STARD8: variants seen among roughly 807,000 people sequenced by gnomAD.
STARD8 encodes the protein stAR-related lipid transfer protein 8.
Under a neutral mutation model 69.4 loss-of-function variants are expected in STARD8, and 25 were observed. The observed-to-expected ratio is 0.36, with a 90% CI of 0.26 to 0.50. STARD8 has a LOEUF of 0.50. Ranked by LOEUF, STARD8 falls within the 20% of genes least tolerant of loss-of-function variation. The pLI, the probability that STARD8 is intolerant of heterozygous loss-of-function variation, is 0.96. For synonymous variants in STARD8, 389 were observed against 374.6 expected (o/e 1.04, Z -0.45); for missense variants, 921 against 932.5 (o/e 0.99, Z 0.16).
chrX:68,721,771 G>C, intron 10 of STARD8, 25 bp downstream of exon 10: 1 of 1,185,838 alleles, frequency 8.4e-7, no homozygotes, highest in Non-Finnish European at 1.1e-6. Flanking sequence ...GGCATGTCAG[G>C]GCCGGGCTGG....
intron 3 of STARD8, 29 bp downstream of exon 3, chrX:68,713,014 A>G (rs1426924952): frequency 3.8e-5 from 44 of 1,169,443 alleles, no homozygotes; most frequent in Non-Finnish European, 4.7e-5. Context: ...TTACCCTCCC[A>G]TACTTCCCCT....
intron 3 of STARD8, among the ~76,000 whole-genome samples, chrX:68,713,508 G>T (rs1244693671): frequency 9.0e-6 from 1 of 111,541 alleles, no homozygotes; most frequent in African/African-American, 3.3e-5. Flanking sequence ...ATTCACCAGT[G>T]ACCTCCATGT....
chrX:68,690,499 C>T (rs770287935), intron 2 of STARD8, among the ~76,000 whole-genome samples: 8 of 110,330 alleles, frequency 7.3e-5, no homozygotes, highest in African/African-American at 1.3e-4. Context: ...CAGAGTGAGG[C>T]TCAGGGGAAT....
At position 68,718,070 on chromosome X, in the gene STARD8, G is replaced by T; in HGVS notation, c.1156G>T (p.Ala386Ser). The part of the protein sequence containing the change: ...EDDEESGGSY[A>S]HLDDILQHVW... ...TGATGAGGAGAGTGGGGGCAGCTAT[G>T]CTCACCTAGACGACATCCTCCAGCA... Residue 386 changes from alanine to serine, a missense_variant, in exon 6 of 15, where the codon GCT becomes TCT. Coordinates refer to ENST00000374599, the MANE Select transcript of STARD8 (RefSeq NM_001142503.3). 1 of 1,211,552 alleles carries T rather than the reference G, an allele frequency of 8.3e-7. No homozygotes were observed. Among genetic ancestry groups the T allele is most frequent in the Admixed American group, 2.2e-5 (1 of 46,068 alleles).
chrX:68,657,941 T>C (rs918184538), intron 1 of STARD8, among the ~76,000 whole-genome samples: 2 of 110,904 alleles, frequency 1.8e-5, no homozygotes, highest in African/African-American at 3.3e-5. Flanking sequence ...TTAGCTTCTT[T>C]GATGCCAAAA....
At chrX:68,710,347 G>C (rs191682718) in intron 2 of STARD8, among the ~76,000 whole-genome samples, 4 of 112,392 alleles carry the variant, frequency 3.6e-5, no homozygotes, top group African/African-American at 9.7e-5. Context: ...TGTGCATCCA[G>C]GGGTGAGAAT....
At chrX:68,716,294 C>G in intron 4 of STARD8, 74 bp from the exon 5 acceptor site, 1 of 990,585 alleles carries the variant, frequency 1.0e-6, no homozygotes, top group Non-Finnish European at 1.4e-6. Context: ...TGTGAAGTGG[C>G]AGGTGCATCT....
chrX:68,700,680 G>A (rs1033571322), intron 2 of STARD8, among the ~76,000 whole-genome samples: 1 of 112,252 alleles, frequency 8.9e-6, no homozygotes, highest in Non-Finnish European at 1.9e-5. Flanking sequence ...GGAAGAGCTT[G>A]TCCCCAAACA....
In STARD8 at chrX:68,689,296, T is replaced by TGC. The variant is rs745735307; in HGVS notation, c.80-23618_80-23617insGC. On this transcript the variant is annotated intron_variant, in intron 2 of 14. Coordinates refer to ENST00000374599, the MANE Select transcript of STARD8 (RefSeq NM_001142503.3). ...GGGCAGGCAGACCTCCCCGAGGCGTTAGTGGGGTGCTCCATCTGCCTGCAG... is the reference window on the plus strand; with the variant it reads ...GGGCAGGCAGACCTCCCCGAGGCGTTGCAGTGGGGTGCTCCATCTGCCTGCAG... 2.5e-4 allele frequency among the ~76,000 whole-genome samples: 26 copies of TGC among 102,535 alleles called. No individual in the cohort carries two copies. In the South Asian group the frequency reaches 3.9e-3, roughly 15 times the overall value. The allele number at this position is 102,535 out of a possible 115,157, so 89.0% of individuals were successfully genotyped here. A position where few individuals can be genotyped will look rare whatever the true frequency, so the allele number is the denominator to read the frequency against.
intron 3 of STARD8, 38 bp from the exon 4 acceptor site, chrX:68,715,256 T>C (rs2080082774): frequency 1.8e-6 from 2 of 1,132,146 alleles, no homozygotes; most frequent in Admixed American, 4.9e-5. Flanking sequence ...GTTTGTGATA[T>C]ACCACTGCAC....
intron 1 of STARD8, among the ~76,000 whole-genome samples, chrX:68,652,898 C>CCCCACA (rs1444790744): frequency 4.4e-4 from 5 of 11,307 alleles, no homozygotes; most frequent in Non-Finnish European, 8.6e-4. Flanking sequence ...ACACACCACA[C>CCCCACA]CACACACACC....
At chrX:68,668,391 T>G (rs375540797) in intron 2 of STARD8, among the ~76,000 whole-genome samples, 4 of 105,282 alleles carry the variant, frequency 3.8e-5, no homozygotes, top group Admixed American at 2.1e-4. Flanking sequence ...TGGTGCAGCA[T>G]AGCTCACTGC....
chrX:68,674,801 G>C (rs1328356528), intron 2 of STARD8, among the ~76,000 whole-genome samples: 1 of 107,959 alleles, frequency 9.3e-6, no homozygotes, highest in Non-Finnish European at 1.9e-5. Flanking sequence ...TTGTTGTTTT[G>C]AGATGGAGTC....
At position 68,724,456 on chromosome X, in the gene STARD8, G is replaced by T. The variant is rs755993937; in HGVS notation, c.*34G>T. The T allele has an allele frequency of 8.9e-7, 1 of 1,126,032 alleles. No individual in the cohort carries two copies. Among genetic ancestry groups the T allele is most frequent in the African/African-American group, 1.8e-5 (1 of 56,108 alleles). 92.8% of individuals were successfully genotyped at this position (1,126,032 alleles called of 1,213,427 possible). A position where few individuals can be genotyped will look rare whatever the true frequency, so the allele number is the denominator to read the frequency against. ...CTGGTCCCAGGGTGGCACCACCCAG[G>T]CCCCCTGGGCACCAAGGGAGCGAGG... On this transcript the variant is annotated 3_prime_UTR_variant, in exon 15 of 15. Transcript: ENST00000374599.
intron 1 of STARD8, among the ~76,000 whole-genome samples, chrX:68,661,962 C>CTTTCTT (rs1556020250): frequency 7.8e-5 from 6 of 76,839 alleles, no homozygotes; most frequent in African/African-American, 4.6e-4. Context: ...CTCTCTCTCT[C>CTTTCTT]TCTCTCTCTC....
At chrX:68,683,130 C>T (rs1050051600) in intron 2 of STARD8, among the ~76,000 whole-genome samples, 1 of 112,042 alleles carries the variant, frequency 8.9e-6, no homozygotes, top group Non-Finnish European at 1.9e-5. Context: ...TGTCACTGCC[C>T]TCAAGGAGCT....
intron 2 of STARD8, among the ~76,000 whole-genome samples, chrX:68,701,201 A>C (rs2147914523): frequency 8.9e-6 from 1 of 112,770 alleles, no homozygotes; most frequent in South Asian, 3.7e-4. Flanking sequence ...TGACACCAAT[A>C]ATAATAGTGA....
At chrX:68,706,647 CT>C (rs778053194) in intron 2 of STARD8, among the ~76,000 whole-genome samples, 1 of 112,909 alleles carries the variant, frequency 8.9e-6, no homozygotes, top group South Asian at 3.7e-4. Context: ...AACAGTGCCC[CT>C]GAGGGATGCA....
At chrX:68,671,407 G>A (rs1441286797) in intron 2 of STARD8, among the ~76,000 whole-genome samples, 1 of 112,066 alleles carries the variant, frequency 8.9e-6, no homozygotes, top group Non-Finnish European at 1.9e-5. Flanking sequence ...TTTCTTTCCT[G>A]TCTCTCCCAT....
Sources: allele counts gnomAD v4.1 joint callset (sites outside exome capture counted in the v4.1 genomes callset), GRCh38; gene constraint gnomAD v4.1.1; transcripts MANE v1.5; gene names NCBI Gene and HGNC (gene_info 2026-07-23, HGNC 2026-07-21).